SNCG: variants seen among roughly 807,000 people sequenced by gnomAD.
The protein encoded by SNCG is synuclein gamma.
In SNCG, 13 loss-of-function variants were observed where a neutral mutation model predicts 16.0. That is an observed-to-expected ratio of 0.81 (90% confidence interval 0.53 to 1.29). The LOEUF (loss-of-function observed/expected upper bound fraction) is 1.29. Among genes scored for constraint, SNCG ranks in the 50% most tolerant of loss-of-function variants. The pLI is 0.00. For missense variants in SNCG, 154 were observed against 168.5 expected (o/e 0.91, Z 0.48); for synonymous variants, 66 against 66.3 (o/e 1.00, Z 0.02).
intron 3 of SNCG, 115 bp from the exon 4 acceptor site, chr10:86,962,489 C>A (rs1380521727): frequency 5.9e-6 from 4 of 678,486 alleles, no homozygotes; most frequent in African/African-American, 1.8e-5. Context: ...TACAACAAGG[C>A]CACGAGGGGC....
chr10:86,959,799 C>G lies in SNCG; in HGVS notation c.163+125C>G. The G allele has an allele frequency of 8.0e-7, 1 of 1,242,542 alleles. No homozygotes were observed. Among genetic ancestry groups the G allele is most frequent in the Non-Finnish European group, 1.1e-6 (1 of 901,736 alleles). The allele number at this position is 1,242,542 out of a possible 1,614,324, so 77.0% of individuals were successfully genotyped here. A position where few individuals can be genotyped will look rare whatever the true frequency, so the allele number is the denominator to read the frequency against. The stretch of plus-strand genomic sequence containing the variant: ...AACTGGGGTCCCAAGCCCTACAGAC[C>G]CCTGCAGACCATGAGGCTAAACTAG... On this transcript the variant is annotated intron_variant, in intron 2 of 4. Coordinates refer to ENST00000372017, the MANE Select transcript of SNCG (RefSeq NM_003087.3). This position sits in a 1 kb window ranked among gnomAD's most constrained non-coding sequence, Gnocchi z 4.3.
chr10:86,957,283 A>G (rs1337621096), upstream of SNCG: 2 of 1,319,498 alleles, frequency 1.5e-6, no homozygotes, highest in East Asian at 2.3e-5. Context: ...CATTTCACAG[A>G]TGGGACCCCA....
At position 86,959,260 on chromosome 10, in the gene SNCG, C is replaced by A; in HGVS notation, c.122-373C>A. 2.6e-6 allele frequency: 1 copy of A among 387,254 alleles called. No homozygotes were observed. Among genetic ancestry groups the A allele is most frequent in the Non-Finnish European group, 4.7e-6 (1 of 214,966 alleles). The allele number at this position is 387,254 out of a possible 1,614,324, so 24.0% of individuals were successfully genotyped here. On this transcript the variant is annotated intron_variant, in intron 1 of 4. Transcript: ENST00000372017. The surrounding 1 kb of genome is among the most constrained non-coding windows in gnomAD (Gnocchi z 4.3). Reference sequence around the variant, plus strand: ...AACCTAGGCTCAGTGTTCCCTCCCCCGCATCCTCTCCTGGCACTCTCCAGA... The same window carrying A: ...AACCTAGGCTCAGTGTTCCCTCCCCAGCATCCTCTCCTGGCACTCTCCAGA...
rs192539035 is a variant in SNCG at position 86,959,027 on chromosome 10, G to A, written c.121+209G>A. Among the ~76,000 whole-genome samples the A allele has an allele frequency of 8.8e-5, 13 of 148,570 alleles. No individual in the cohort carries two copies. In the East Asian group the frequency reaches 2.3e-3, roughly 27 times the overall value. On this transcript the variant is annotated intron_variant, in intron 1 of 4. Transcript: ENST00000372017. The surrounding 1 kb of genome is among the most constrained non-coding windows in gnomAD (Gnocchi z 4.3). ...TGTCTTTGGCCTCCTCGGGGCCTCT[G>A]GGTGTCAGAGACCGCAGACAGGGCT...
At chr10:86,958,892 A>C in intron 1 of SNCG, 74 bp downstream of exon 1, 1 of 1,491,206 alleles carries the variant, frequency 6.7e-7, no homozygotes, top group Non-Finnish European at 9.1e-7. Context: ...GCCAGACCTT[A>C]CTCCCCAGCC....
Position 86,963,052 on chromosome 10 carries a change from C to T in SNCG, c.*67C>T, listed in dbSNP as rs139556454. The T allele has an allele frequency of 5.8e-4, 862 of 1,488,934 alleles. 7 individuals carry two copies. The East Asian group carries it at 0.016, about 28-fold the overall frequency. 92.2% of individuals were successfully genotyped at this position (1,488,934 alleles called of 1,614,324 possible). On this transcript the variant is annotated 3_prime_UTR_variant, in exon 5 of 5. Transcript: ENST00000372017. ...TGCCTTGGACACCATCCCCTCCTAGCACAAGGAGTGCCCGCCTTGAGTGAC... is the reference window on the plus strand; with the variant it reads ...TGCCTTGGACACCATCCCCTCCTAGTACAAGGAGTGCCCGCCTTGAGTGAC...
upstream of SNCG, chr10:86,958,256 T>A: frequency 1.0e-6 from 1 of 974,668 alleles, no homozygotes; most frequent in Non-Finnish European, 1.2e-6. Context: ...GCGCCTCCCC[T>A]CTCTGTGCCT....
chr10:86,958,654 C>T lies in SNCG; in HGVS notation c.-44C>T, dbSNP rs771864911. 1 of 1,612,190 alleles carries T rather than the reference C, an allele frequency of 6.2e-7. No homozygotes were observed. Among genetic ancestry groups the T allele is most frequent in the South Asian group, 1.1e-5 (1 of 90,882 alleles). On this transcript the variant is annotated 5_prime_UTR_variant, in exon 1 of 5. Transcript: ENST00000372017. ...TCAAGCCCGCAGCTCGCAGGGAGAT[C>T]CAGCTCCGTCCTGCCTGCAGCAGCA... is the stretch of plus-strand genomic sequence containing the variant.
chr10:86,962,487 G>A (rs2133698215), intron 3 of SNCG, 117 bp from the exon 4 acceptor site: 1 of 667,188 alleles, frequency 1.5e-6, no homozygotes, highest in East Asian at 2.8e-5. Flanking sequence ...AGTACAACAA[G>A]GCCACGAGGG....
intron 4 of SNCG, 97 bp downstream of exon 4, chr10:86,962,772 C>G: frequency 2.5e-6 from 3 of 1,208,666 alleles, no homozygotes; most frequent in East Asian, 2.5e-5. Context: ...TCCCAGGGCC[C>G]AGAGGGGCCT....
Position 86,959,546 on chromosome 10 carries a change from G to T in SNCG, c.122-87G>T. Reference sequence around the variant, plus strand: ...TCCTTACCCCCCCACCGACCCCACAGTTTGTCCAGCTGTTCTGTTGTGTTT... The same window carrying T: ...TCCTTACCCCCCCACCGACCCCACATTTTGTCCAGCTGTTCTGTTGTGTTT... On this transcript the variant is annotated intron_variant, in intron 1 of 4. Transcript: ENST00000372017. The surrounding 1 kb of genome is among the most constrained non-coding windows in gnomAD (Gnocchi z 4.3). The T allele has an allele frequency of 7.9e-7, 1 of 1,259,764 alleles. No individual in the cohort carries two copies. 78.0% of individuals were successfully genotyped at this position (1,259,764 alleles called of 1,614,324 possible). A position where few individuals can be genotyped will look rare whatever the true frequency, so the allele number is the denominator to read the frequency against.
intron 3 of SNCG, among the ~76,000 whole-genome samples, chr10:86,960,373 GAA>G (rs1375943020): frequency 1.3e-5 from 2 of 152,312 alleles, no homozygotes; most frequent in East Asian, 3.9e-4. Flanking sequence ...CATAGACAAG[GAA>G]AGTGAGGCTC....
chr10:86,958,718 C>A lies in SNCG; in HGVS notation c.21C>A (p.Gly7=), dbSNP rs1182503386. 1 of 1,614,112 alleles carries A rather than the reference C, an allele frequency of 6.2e-7. No homozygotes were observed. Among genetic ancestry groups the A allele is most frequent in the East Asian group, 2.2e-5 (1 of 44,874 alleles). The part of the protein sequence containing the change: MDVFKK[G]FSIAKEGVVG... ...CCACCATGGATGTCTTCAAGAAGGG[C>A]TTCTCCATCGCCAAGGAGGGCGTGG... The change falls in exon 1 of 5, where the codon GGC becomes GGA. Residue 7 remains glycine, a synonymous_variant. Coordinates refer to ENST00000372017, the MANE Select transcript of SNCG (RefSeq NM_003087.3).
chr10:86,962,847 C>T, intron 4 of SNCG, 118 bp from the exon 5 acceptor site: 2 of 1,255,416 alleles, frequency 1.6e-6, no homozygotes, highest in South Asian at 1.4e-5. Context: ...AGTGGGAGGT[C>T]CCCCCACGGA....
chr10:86,957,348 T>C, upstream of SNCG: 3 of 1,610,502 alleles, frequency 1.9e-6, no homozygotes, highest in East Asian at 2.2e-5. Flanking sequence ...TCCTACTCCA[T>C]GACCTCTGCC....
At position 86,961,430 on chromosome 10, in the gene SNCG, G is replaced by A. The variant is rs376932643; in HGVS notation, c.292-1174G>A. On this transcript the variant is annotated intron_variant, in intron 3 of 4. Coordinates refer to ENST00000372017, the MANE Select transcript of SNCG (RefSeq NM_003087.3). ...TCCTGGTCTATGTGAGCACCCAGCAGAGGAAGGTGACCATCATCATCATCA... is the reference window on the plus strand; with the variant it reads ...TCCTGGTCTATGTGAGCACCCAGCAAAGGAAGGTGACCATCATCATCATCA... 2.0e-5 allele frequency among the ~76,000 whole-genome samples: 3 copies of A among 152,206 alleles called. No homozygotes were observed. The East Asian group carries it at 5.8e-4, about 29-fold the overall frequency.
In SNCG at chr10:86,959,903, A is replaced by C. The variant is rs769497258; in HGVS notation, c.164-98A>C. The C allele has an allele frequency of 6.5e-7, 1 of 1,527,066 alleles. No individual in the cohort carries two copies. Among genetic ancestry groups the C allele is most frequent in the South Asian group, 1.2e-5 (1 of 82,282 alleles). 94.6% of individuals were successfully genotyped at this position (1,527,066 alleles called of 1,614,324 possible). ...AGCAGGGGAGGGTCCCAGCAGGGCC[A>C]GGGCTCTGAGCTCCTGGGAAGGGGC... On this transcript the variant is annotated intron_variant, in intron 2 of 4. Coordinates refer to ENST00000372017, the MANE Select transcript of SNCG (RefSeq NM_003087.3). This position sits in a 1 kb window ranked among gnomAD's most constrained non-coding sequence, Gnocchi z 4.3.
At chr10:86,960,459 C>G (rs375790345) in intron 3 of SNCG, among the ~76,000 whole-genome samples, 2 of 152,162 alleles carry the variant, frequency 1.3e-5, no homozygotes, top group Non-Finnish European at 2.9e-5. Context: ...GGATCCCACA[C>G]GGTGACAGGC....
rs750576002 is a variant in SNCG, at chr10:86,959,962, C to A, written c.164-39C>A. The A allele has an allele frequency of 1.3e-5, 21 of 1,562,654 alleles. No homozygotes were observed. In the African/African-American group the frequency reaches 2.6e-4, roughly 19 times the overall value. The stretch of plus-strand genomic sequence containing the variant: ...TGACTCCAGCAGGCCTGCCTTGGGG[C>A]TGGGGCTGGGGTGGAGGCCAGCCAG... On this transcript the variant is annotated intron_variant, in intron 2 of 4. Transcript: ENST00000372017. This position sits in a 1 kb window ranked among gnomAD's most constrained non-coding sequence, Gnocchi z 4.3.
Sources: allele counts gnomAD v4.1 joint callset (sites outside exome capture counted in the v4.1 genomes callset), GRCh38; gene constraint gnomAD v4.1.1; non-coding constraint Gnocchi (gnomAD v3.1); transcripts MANE v1.5; gene names NCBI Gene and HGNC (gene_info 2026-07-23, HGNC 2026-07-21).